PLPP4: variants seen among roughly 807,000 people sequenced by gnomAD.
PLPP4 encodes diacylglycerol pyrophosphate like 2.
Under a neutral mutation model 32.2 loss-of-function variants are expected in PLPP4, and 20 were observed. That is an observed-to-expected ratio of 0.62 (90% CI 0.44 to 0.90). The LOEUF is 0.90. Ranked by LOEUF, PLPP4 falls within the 40% of genes least tolerant of loss-of-function variation. The pLI is 0.00. For synonymous variants in PLPP4, 127 were observed against 133.0 expected (o/e 0.95, Z 0.31); for missense variants, 257 against 353.1 (o/e 0.73, Z 2.18).
intron 5 of PLPP4, among the ~76,000 whole-genome samples, chr10:120,570,316 C>T (rs1848876067): frequency 6.6e-6 from 1 of 152,034 alleles, no homozygotes; most frequent in Admixed American, 6.6e-5. Flanking sequence ...TGCAAAACAC[C>T]CTTCCACACT....
chr10:120,548,018 G>A (rs1847713962), intron 5 of PLPP4, among the ~76,000 whole-genome samples: 1 of 152,112 alleles, frequency 6.6e-6, no homozygotes, highest in Non-Finnish European at 1.5e-5. Flanking sequence ...TGTGGACCAT[G>A]ATGATTGGTG....
At chr10:120,465,850 T>C (rs1477882560) in intron 1 of PLPP4, among the ~76,000 whole-genome samples, 1 of 152,178 alleles carries the variant, frequency 6.6e-6, no homozygotes, top group Non-Finnish European at 1.5e-5. Flanking sequence ...TGTGACTTTT[T>C]TGTTGAATGT....
At chr10:120,565,008 A>G (rs1431374219) in intron 5 of PLPP4, among the ~76,000 whole-genome samples, 1 of 152,164 alleles carries the variant, frequency 6.6e-6, no homozygotes, top group Non-Finnish European at 1.5e-5. Flanking sequence ...TGAAAGTTCT[A>G]TCAAACCTCT....
intron 1 of PLPP4, among the ~76,000 whole-genome samples, chr10:120,488,212 CT>C: frequency 6.6e-6 from 1 of 152,168 alleles, no homozygotes; most frequent in East Asian, 1.9e-4. Flanking sequence ...GCCAGCCCCC[CT>C]TGAGTGGTTT....
intron 5 of PLPP4, among the ~76,000 whole-genome samples, chr10:120,527,447 C>G (rs1362372555): frequency 1.3e-5 from 2 of 152,182 alleles, no homozygotes; most frequent in East Asian, 3.9e-4. Context: ...TAAATAATAC[C>G]CTCCATAATT....
At chr10:120,502,267 T>TA (rs979874501) in intron 1 of PLPP4, among the ~76,000 whole-genome samples, 1 of 152,090 alleles carries the variant, frequency 6.6e-6, no homozygotes, top group African/African-American at 2.4e-5. Context: ...CAGTCATGGG[T>TA]ACCACTGCTT....
intron 6 of PLPP4, among the ~76,000 whole-genome samples, chr10:120,578,230 A>G (rs977735525): frequency 2.0e-5 from 3 of 152,262 alleles, no homozygotes; most frequent in Non-Finnish European, 2.9e-5. Context: ...GGAGAAATCA[A>G]GGAGACCTCA....
At position 120,591,818 on chromosome 10, in the gene PLPP4, A is replaced by T. The variant is rs563592408; in HGVS notation, c.*2316A>T. 2.3e-4 allele frequency among the ~76,000 whole-genome samples: 35 copies of T among 152,352 alleles called. No individual in the cohort carries two copies. The South Asian group carries it at 6.6e-3, about 29-fold the overall frequency. ...TGCAAAGTAACAACAGAGTATTACT[A>T]ATGCTGATAATTACATGGAAAATCC... On this transcript the variant is annotated 3_prime_UTR_variant, in exon 7 of 7. Transcript: ENST00000398250.
Position 120,518,836 on chromosome 10 carries a change from T to G in PLPP4, c.260T>G (p.Val87Gly). Residue 87 changes from valine to glycine, a missense_variant, in exon 4 of 7, where the codon GTG becomes GGG. Coordinates refer to ENST00000398250, the MANE Select transcript of PLPP4 (RefSeq NM_001030059.3). Reference protein sequence around the residue: ...KTEIKEAFLAVSLALALNGVC... With the variant: ...KTEIKEAFLAGSLALALNGVC... ...GTCTGTTGGTTTTGTTTTGTAGCGG[T>G]GTCCTTGGCTCTTGCTTTGAATGGA... 1.2e-6 allele frequency: 2 copies of G among 1,612,292 alleles called. No homozygotes were observed. Among genetic ancestry groups the G allele is most frequent in the South Asian group, 2.2e-5 (2 of 90,546 alleles).
chr10:120,560,252 T>A (rs188046589), intron 5 of PLPP4, among the ~76,000 whole-genome samples: 2 of 150,852 alleles, frequency 1.3e-5, no homozygotes. Flanking sequence ...CTGTACTGAC[T>A]ATGCACTATA....
intron 6 of PLPP4, among the ~76,000 whole-genome samples, chr10:120,580,435 G>C (rs1331449812): frequency 1.3e-5 from 2 of 152,258 alleles, no homozygotes; most frequent in African/African-American, 4.8e-5. Context: ...AGGTCTTCTT[G>C]AAGTTGTTCT....
At chr10:120,521,615 A>G (rs1488467257) in intron 5 of PLPP4, among the ~76,000 whole-genome samples, 1 of 152,226 alleles carries the variant, frequency 6.6e-6, no homozygotes, top group Non-Finnish European at 1.5e-5. Context: ...ACTGTGAATC[A>G]GAAGCCGTGC....
At chr10:120,522,675 G>A (rs1231499903) in intron 5 of PLPP4, among the ~76,000 whole-genome samples, 5 of 152,200 alleles carry the variant, frequency 3.3e-5, no homozygotes, top group African/African-American at 1.2e-4. Flanking sequence ...CCTGGAACGT[G>A]TGAGTGTGAA....
chr10:120,518,686 G>A lies in PLPP4; in HGVS notation c.257-147G>A, dbSNP rs138461875. 7.1e-3 allele frequency: 4,113 copies of A among 581,572 alleles called. 137 individuals are homozygous for A. The highest frequency in any genetic ancestry group is 0.069 in the African/African-American group (3,664 of 52,826). 36.0% of individuals were successfully genotyped at this position (581,572 alleles called of 1,614,324 possible). A position where few individuals can be genotyped will look rare whatever the true frequency, so the allele number is the denominator to read the frequency against. ...TATTTTGCTCTCTAGCAACCCAAAC[G>A]TATCTCTGTTTTCAAAGTATTCGTT... On this transcript the variant is annotated intron_variant, in intron 3 of 6. Transcript: ENST00000398250.
intron 5 of PLPP4, among the ~76,000 whole-genome samples, chr10:120,523,268 CT>C (rs1470415698): frequency 2.6e-5 from 4 of 151,888 alleles, no homozygotes; most frequent in Non-Finnish European, 4.4e-5. Context: ...TGCCAGTGTA[CT>C]CCAGCCTGGC....
intron 1 of PLPP4, among the ~76,000 whole-genome samples, chr10:120,499,527 A>G (rs976695472): frequency 2.0e-5 from 3 of 152,074 alleles, no homozygotes; most frequent in African/African-American, 7.2e-5. Flanking sequence ...TGTTAAATGC[A>G]GACTCTGATC....
chr10:120,510,753 A>G (rs1845692919), intron 2 of PLPP4, among the ~76,000 whole-genome samples: 2 of 152,128 alleles, frequency 1.3e-5, no homozygotes, highest in Non-Finnish European at 2.9e-5. Context: ...CTTAATTCCA[A>G]CTTTCATTTA....
Position 120,589,834 on chromosome 10 carries a change from A to C in PLPP4, c.*332A>C. ...TTTCATGGTTGTAAAACATAATAAAACCTCCCACGTGGAAGACTTGGTGTT... is the reference window on the plus strand; with the variant it reads ...TTTCATGGTTGTAAAACATAATAAACCCTCCCACGTGGAAGACTTGGTGTT... On this transcript the variant is annotated 3_prime_UTR_variant, in exon 7 of 7. Coordinates refer to ENST00000398250, the MANE Select transcript of PLPP4 (RefSeq NM_001030059.3). 4.5e-6 allele frequency: 1 copy of C among 221,938 alleles called. No individual in the cohort carries two copies. The highest frequency in any genetic ancestry group is 8.9e-6 in the Non-Finnish European group (1 of 112,696). The allele number at this position is 221,938 out of a possible 1,614,324, so 13.7% of individuals were successfully genotyped here.
chr10:120,525,295 A>T (rs1265621027), intron 5 of PLPP4, among the ~76,000 whole-genome samples: 1 of 152,218 alleles, frequency 6.6e-6, no homozygotes, highest in African/African-American at 2.4e-5. Flanking sequence ...AAAAAGCTTT[A>T]CTAAAGCAAG....
Sources: gnomAD v4.1 joint callset for allele counts (sites outside exome capture counted in the v4.1 genomes callset) on GRCh38, gnomAD v4.1.1 for gene constraint, MANE v1.5 for transcripts, NCBI Gene and HGNC (gene_info 2026-07-23, HGNC 2026-07-21) for gene names.